Variants in SASH1 observed in about 807,000 individuals in gnomAD.
SASH1 encodes the protein SAM and SH3 domain-containing protein 1.
In SASH1, 44 loss-of-function variants were observed where a neutral mutation model predicts 125.2. The observed-to-expected ratio is 0.35, with a 90% CI of 0.28 to 0.45. SASH1 has a LOEUF of 0.45. Ranked by LOEUF, SASH1 falls within the 20% of genes least tolerant of loss-of-function variation. The pLI, the probability that SASH1 is intolerant of heterozygous loss-of-function variation, is 1.00. For missense variants in SASH1, 1,426 were observed against 1,614.5 expected, an observed-to-expected ratio of 0.88 and a Z score of 2.00; for synonymous variants, 639 against 649.1, an observed-to-expected ratio of 0.98 and a Z score of 0.24.
intron 2 of SASH1, among the ~76,000 whole-genome samples, chr6:148,410,662 G>A (rs1784585058): frequency 6.6e-6 from 1 of 152,184 alleles, no homozygotes; most frequent in African/African-American, 2.4e-5. Context: ...TATAGGACAA[G>A]CCTAATTATA....
Position 148,519,678 on chromosome 6 carries a change from C to T in SASH1, c.994C>T (p.Leu332Phe). 2 of 1,614,136 alleles carry T rather than the reference C, an allele frequency of 1.2e-6. No homozygotes were observed. The highest frequency in any genetic ancestry group is 2.2e-5 in the East Asian group (1 of 44,872). ...EKPPEDDSDS[L>F]TTSPSSSSLD... ...ACCTCCCGAAGATGACTCAGACTCT[C>T]TCACCACGTCTCCATCCTCCAGCAG... is the stretch of plus-strand genomic sequence containing the variant. The change falls in exon 10 of 20, where the codon CTC becomes TTC. Residue 332 changes from leucine to phenylalanine, a missense_variant. Around this residue, in one of 3 missense-constraint regions of SASH1, gnomAD observed 567 missense variants for 575.6 expected, o/e 0.99. Transcript: ENST00000367467. The surrounding 1 kb of genome is among the most constrained non-coding windows in gnomAD (Gnocchi z 4.8).
At chr6:148,418,601 T>A (rs1390480035) in intron 2 of SASH1, among the ~76,000 whole-genome samples, 1 of 152,224 alleles carries the variant, frequency 6.6e-6, no homozygotes, top group Non-Finnish European at 1.5e-5. Context: ...TCTTCTCTAC[T>A]CTTTCCTTTT....
chr6:148,302,880 G>A (rs150296096), intron 1 of SASH1, among the ~76,000 whole-genome samples: 299 of 150,816 alleles, frequency 2.0e-3, no homozygotes, highest in African/African-American at 6.9e-3. Flanking sequence ...AGAGATGATG[G>A]CAACTATTCT....
chr6:148,358,344 A>G (rs1782037547), intron 1 of SASH1, among the ~76,000 whole-genome samples: 1 of 152,188 alleles, frequency 6.6e-6, no homozygotes, highest in African/African-American at 2.4e-5. Flanking sequence ...TGAATCTTGC[A>G]TTTGCTGGTT....
At chr6:148,221,324 T>C in the SASH1 span, among the ~76,000 whole-genome samples, 1 of 152,218 alleles carries the variant, frequency 6.6e-6, no homozygotes, top group Non-Finnish European at 1.5e-5. Context: ...TTACTTTCAT[T>C]CGTGACTGGT....
At chr6:148,324,882 G>A (rs1780754959) in intron 1 of SASH1, among the ~76,000 whole-genome samples, 2 of 152,158 alleles carry the variant, frequency 1.3e-5, no homozygotes, top group South Asian at 2.1e-4. Flanking sequence ...CTGGGCCACC[G>A]ATGCCTCTGC....
the SASH1 span, among the ~76,000 whole-genome samples, chr6:148,242,112 C>A: frequency 1.1e-4 from 16 of 152,218 alleles, no homozygotes; most frequent in East Asian, 3.1e-3. Context: ...TAATGTAGGA[C>A]TATTCAGGAT....
At chr6:148,194,524 A>G in the SASH1 span, among the ~76,000 whole-genome samples, 1 of 152,232 alleles carries the variant, frequency 6.6e-6, no homozygotes, top group Non-Finnish European at 1.5e-5. Context: ...CCCTGGCAGT[A>G]TGACCTATAC....
At chr6:148,420,370 A>G (rs149456883) in intron 2 of SASH1, among the ~76,000 whole-genome samples, 2 of 152,206 alleles carry the variant, frequency 1.3e-5, no homozygotes, top group African/African-American at 2.4e-5. Flanking sequence ...AAAAATAAGG[A>G]TGATACTTAA....
In SASH1 at chr6:148,540,381, T is replaced by C. The variant is rs577510242; in HGVS notation, c.2096-62T>C. On this transcript the variant is annotated intron_variant, in intron 16 of 19. Coordinates refer to ENST00000367467, the MANE Select transcript of SASH1 (RefSeq NM_015278.5). ...AACTGAGGATAAAGTCGAGATCTGT[T>C]GACTCTGAAACCTCTGCTTTTCACT... is the stretch of plus-strand genomic sequence containing the variant. 12 of 1,315,104 alleles carry C rather than the reference T, an allele frequency of 9.1e-6. No individual in the cohort carries two copies. The South Asian group carries it at 1.4e-4, about 15-fold the overall frequency. The allele number at this position is 1,315,104 out of a possible 1,614,324, so 81.5% of individuals were successfully genotyped here.
chr6:148,337,110 G>C (rs1781181868), intron 1 of SASH1, among the ~76,000 whole-genome samples: 1 of 152,124 alleles, frequency 6.6e-6, no homozygotes, highest in African/African-American at 2.4e-5. Context: ...CCAGGCTGCA[G>C]TGCAATGGTG....
intron 1 of SASH1, among the ~76,000 whole-genome samples, chr6:148,359,428 A>G (rs899650729): frequency 7.3e-5 from 11 of 150,588 alleles, no homozygotes; most frequent in African/African-American, 9.8e-5. Flanking sequence ...TTGAGTCCCT[A>G]TGTCACATTT....
At chr6:148,475,445 G>C (rs1778296351) in intron 7 of SASH1, among the ~76,000 whole-genome samples, 1 of 152,184 alleles carries the variant, frequency 6.6e-6, no homozygotes, top group South Asian at 2.1e-4. Flanking sequence ...ATCTGCAGGG[G>C]AGGAAGGCTA....
At chr6:148,309,750 G>A (rs1780250469) in intron 1 of SASH1, among the ~76,000 whole-genome samples, 1 of 151,986 alleles carries the variant, frequency 6.6e-6, no homozygotes, top group Non-Finnish European at 1.5e-5. Context: ...CATTTGACAG[G>A]TGACCTTTGC....
chr6:148,490,042 C>T (rs1049553256), intron 8 of SASH1, among the ~76,000 whole-genome samples: 4 of 127,860 alleles, frequency 3.1e-5, no homozygotes, highest in African/African-American at 1.1e-4. Context: ...AACAAGAAAA[C>T]AAGATCATGT....
chr6:148,317,235 A>G (rs1780500187), intron 1 of SASH1, among the ~76,000 whole-genome samples: 1 of 152,186 alleles, frequency 6.6e-6, no homozygotes, highest in Non-Finnish European at 1.5e-5. Context: ...AGTGGTCTCT[A>G]CTGAACCCTT....
the SASH1 span, among the ~76,000 whole-genome samples, chr6:148,193,669 G>A: frequency 6.6e-6 from 1 of 152,158 alleles, no homozygotes; most frequent in African/African-American, 2.4e-5. Context: ...ATCATGCTGG[G>A]CATTTTCCTT....
At chr6:148,245,649 G>A in the SASH1 span, among the ~76,000 whole-genome samples, 2 of 152,026 alleles carry the variant, frequency 1.3e-5, no homozygotes, top group East Asian at 1.9e-4. Flanking sequence ...GTTTTGGTAC[G>A]GTTTGGTTTG....
chr6:148,424,567 G>A (rs1775725034), intron 2 of SASH1, among the ~76,000 whole-genome samples: 1 of 152,140 alleles, frequency 6.6e-6, no homozygotes, highest in South Asian at 2.1e-4. Context: ...GTGCCGTGGT[G>A]CAATCATAAC....
Sources: allele counts gnomAD v4.1 joint callset (sites outside exome capture counted in the v4.1 genomes callset), GRCh38; gene constraint gnomAD v4.1.1; regional missense constraint gnomAD v4.1.1; non-coding constraint Gnocchi (gnomAD v3.1); transcripts MANE v1.5; gene names NCBI Gene and HGNC (gene_info 2026-07-23, HGNC 2026-07-21).